Variants in PYGO1 observed in about 807,000 individuals in gnomAD.
The protein encoded by PYGO1 is pygopus family PHD finger 1.
A neutral mutation model predicts 29.5 loss-of-function variants in PYGO1; 6 were observed. The ratio of observed to expected loss-of-function variants is 0.20; its 90% CI spans 0.11 to 0.40. The LOEUF (loss-of-function observed/expected upper bound fraction) is 0.40, where lower values mean the gene tolerates loss of function less well. Among genes scored for constraint, PYGO1 ranks in the 10% least tolerant of loss-of-function variants. The pLI is 1.00. For synonymous variants in PYGO1, 186 were observed against 180.5 expected, an observed-to-expected ratio of 1.03 and a Z score of -0.24; for missense variants, 515 against 514.9, an observed-to-expected ratio of 1.00 and a Z score of 0.00.
intron 2 of PYGO1, among the ~76,000 whole-genome samples, chr15:55,548,311 T>C (rs993737031): frequency 2.6e-5 from 4 of 151,404 alleles, no homozygotes; most frequent in African/African-American, 4.8e-5. Context: ...TGAGCCACCA[T>C]GCCCAGCCTA....
chr15:55,562,294 T>C (rs2058936128), intron 1 of PYGO1, among the ~76,000 whole-genome samples: 1 of 152,148 alleles, frequency 6.6e-6, no homozygotes. Context: ...TCCTCAAAGA[T>C]CTAGAGGCAG....
intron 2 of PYGO1, 27 bp downstream of exon 2, chr15:55,548,883 C>G (rs375461479): frequency 8.8e-6 from 14 of 1,596,440 alleles, no homozygotes; most frequent in Non-Finnish European, 1.2e-5. Flanking sequence ...CAAAGAAAAA[C>G]TTTTATTAAA....
At position 55,588,175 on chromosome 15, in the gene PYGO1, G is replaced by C. The variant is rs1483295410; in HGVS notation, c.-292C>G. On this transcript the variant is annotated 5_prime_UTR_variant, in exon 1 of 3. Coordinates refer to ENST00000563719, the MANE Select transcript of PYGO1 (RefSeq NM_001367806.1). ...CCCACCCGGGGCCGGCATGTGCTGAGGGCGAGTGCGCCGCCGCCGCCGCCG... is the reference window on the plus strand; with the variant it reads ...CCCACCCGGGGCCGGCATGTGCTGACGGCGAGTGCGCCGCCGCCGCCGCCG... The C allele has an allele frequency of 7.2e-6, 3 of 414,494 alleles. No individual in the cohort carries two copies. The highest frequency in any genetic ancestry group is 9.7e-6 in the Non-Finnish European group (3 of 310,340). 25.7% of individuals were successfully genotyped at this position (414,494 alleles called of 1,614,324 possible). A position where few individuals can be genotyped will look rare whatever the true frequency, so the allele number is the denominator to read the frequency against.
At position 55,540,257 on chromosome 15, in the gene PYGO1, A is replaced by G. The variant is rs2058823337; in HGVS notation, c.*5766T>C. Reference sequence around the variant, plus strand: ...CTAAAAATTCCAGGTAAATTAGAGGAGTCTTACGGTATCTTAATCATGTCT... The same window carrying G: ...CTAAAAATTCCAGGTAAATTAGAGGGGTCTTACGGTATCTTAATCATGTCT... On this transcript the variant is annotated 3_prime_UTR_variant, in exon 3 of 3. Coordinates refer to ENST00000563719, the MANE Select transcript of PYGO1 (RefSeq NM_001367806.1). 6.6e-6 allele frequency: 1 copy of G among 152,082 alleles called. No individual in the cohort carries two copies. 9.4% of individuals were successfully genotyped at this position (152,082 alleles called of 1,614,324 possible).
intron 1 of PYGO1, among the ~76,000 whole-genome samples, chr15:55,587,433 G>A (rs2059052363): frequency 2.0e-5 from 3 of 151,928 alleles, no homozygotes; most frequent in South Asian, 2.1e-4. Context: ...TTCTTCAACA[G>A]CATCAACTCT....
rs148008457 is a variant in PYGO1, at chr15:55,554,309, A to T, written c.50-5314T>A. Among the ~76,000 whole-genome samples, 724 of 151,968 alleles carry T rather than the reference A, an allele frequency of 4.8e-3. 5 individuals carry two copies. The highest frequency in any genetic ancestry group is 0.016 in the African/African-American group (680 of 41,412). On this transcript the variant is annotated intron_variant, in intron 1 of 2. Transcript: ENST00000563719. ...GAAACCCCATCTCTACTAAAAATAT[A>T]TTTAAAAAAATTATCAGGGTGTGGT...
At chr15:55,579,776 T>C (rs1317091549) in intron 1 of PYGO1, among the ~76,000 whole-genome samples, 1 of 152,252 alleles carries the variant, frequency 6.6e-6, no homozygotes, top group Admixed American at 6.5e-5. Context: ...GTATCTATCA[T>C]CTTGCTTACT....
At chr15:55,580,019 G>C (rs954078517) in intron 1 of PYGO1, among the ~76,000 whole-genome samples, 1 of 152,094 alleles carries the variant, frequency 6.6e-6, no homozygotes, top group African/African-American at 2.4e-5. Context: ...GTGTTACTGA[G>C]GTCCATGGGG....
intron 1 of PYGO1, among the ~76,000 whole-genome samples, chr15:55,563,332 G>C (rs1337557843): frequency 6.6e-6 from 1 of 151,634 alleles, no homozygotes; most frequent in Non-Finnish European, 1.5e-5. Flanking sequence ...TATGTTTTTA[G>C]GGAGGAGGTG....
chr15:55,570,081 G>T (rs1396225113), intron 1 of PYGO1, among the ~76,000 whole-genome samples: 1 of 152,170 alleles, frequency 6.6e-6, no homozygotes, highest in East Asian at 1.9e-4. Flanking sequence ...ATCCCCAGTG[G>T]AAAGGTCAGT....
In PYGO1 at chr15:55,546,488, T is replaced by G; in HGVS notation, c.795A>C (p.Thr265=). ...TTAATTCAATATTACTCTGATTCAC[T>G]GTGTCATCCATATTCAAGTGAGGTG... The part of the protein sequence containing the change: ...AHPPHLNMDD[T]VNQSNIELKN... The change falls in exon 3 of 3, where the codon ACA becomes ACC. Residue 265 remains threonine (T), a synonymous_variant. Transcript: ENST00000563719. 6.2e-7 allele frequency: 1 copy of G among 1,614,204 alleles called. No homozygotes were observed. Among genetic ancestry groups the G allele is most frequent in the South Asian group, 1.1e-5 (1 of 91,086 alleles).
intron 1 of PYGO1, among the ~76,000 whole-genome samples, chr15:55,563,283 T>C (rs1178217919): frequency 6.6e-6 from 1 of 151,246 alleles, no homozygotes; most frequent in East Asian, 1.9e-4. Flanking sequence ...GGCCAAAGGT[T>C]TGTCTTTTTC....
chr15:55,551,148 T>G (rs1276599116), intron 1 of PYGO1, among the ~76,000 whole-genome samples: 4 of 152,194 alleles, frequency 2.6e-5, no homozygotes, highest in Non-Finnish European at 4.4e-5. Context: ...TAACAGGGCA[T>G]GGACTAGTAC....
chr15:55,584,310 G>C (rs1435415575), intron 1 of PYGO1, among the ~76,000 whole-genome samples: 7 of 151,814 alleles, frequency 4.6e-5, no homozygotes, highest in Non-Finnish European at 1.0e-4. Context: ...GTAGAGACAG[G>C]TTGTCGTCCA....
At chr15:55,587,808 C>T (rs2059055278) in intron 1 of PYGO1, 27 bp downstream of exon 1, 3 of 1,481,328 alleles carry the variant, frequency 2.0e-6, no homozygotes, top group Non-Finnish European at 1.8e-6. Context: ...ACCCCGGTTC[C>T]CCCAATCCGG....
intron 1 of PYGO1, among the ~76,000 whole-genome samples, chr15:55,551,048 A>ATGC (rs1239293229): frequency 2.0e-5 from 3 of 152,162 alleles, no homozygotes; most frequent in African/African-American, 7.2e-5. Context: ...TGAGAATCTA[A>ATGC]TGCTGCTGCT....
rs1201947623 is a variant in PYGO1, at chr15:55,587,936, G to C, written c.-53C>G. ...CAGGCCGCGGGAATTCGGTCTCTTT[G>C]ATGCTGCGGCGGCGGCTCCTCCTCC... is the stretch of plus-strand genomic sequence containing the variant. On this transcript the variant is annotated 5_prime_UTR_variant, in exon 1 of 3. It adds an upstream start codon to the 5' untranslated region. Transcript: ENST00000563719. 6.9e-7 allele frequency: 1 copy of C among 1,454,104 alleles called. No individual in the cohort carries two copies. Among genetic ancestry groups the C allele is most frequent in the African/African-American group, 1.5e-5 (1 of 68,360 alleles). 90.1% of individuals were successfully genotyped at this position (1,454,104 alleles called of 1,614,324 possible). A position where few individuals can be genotyped will look rare whatever the true frequency, so the allele number is the denominator to read the frequency against.
chr15:55,587,766 C>T (rs1358913885), intron 1 of PYGO1, 69 bp downstream of exon 1: 55 of 1,442,892 alleles, frequency 3.8e-5, no homozygotes, highest in Non-Finnish European at 4.5e-5. Context: ...GGCCTCCCGG[C>T]GGCCGGGCAC....
At chr15:55,548,479 G>A (rs890442804) in intron 2 of PYGO1, among the ~76,000 whole-genome samples, 6 of 151,398 alleles carry the variant, frequency 4.0e-5, no homozygotes, top group South Asian at 2.1e-4. Context: ...AGGCCGAGGC[G>A]GGTGGATCAC....
Sources: allele counts gnomAD v4.1 joint callset (sites outside exome capture counted in the v4.1 genomes callset), GRCh38; gene constraint gnomAD v4.1.1; transcripts MANE v1.5; gene names NCBI Gene and HGNC (gene_info 2026-07-23, HGNC 2026-07-21).